PRORP: variants seen among roughly 807,000 people sequenced by gnomAD.
PRORP encodes mitochondrial ribonuclease P catalytic subunit.
PRORP carries 51 observed loss-of-function variants against 59.4 expected under a neutral mutation model. That is an observed-to-expected ratio of 0.86 (90% CI 0.69 to 1.08). The LOEUF is 1.08. Among genes scored for constraint, PRORP ranks in the 50% least tolerant of loss-of-function variants. PRORP has a pLI of 0.00. For synonymous variants in PRORP, 231 were observed against 245.6 expected (o/e 0.94, Z 0.55); for missense variants, 646 against 690.3 (o/e 0.94, Z 0.72).
chr14:35,182,986 A>C (rs552211900), intron 5 of PRORP, among the ~76,000 whole-genome samples: 3 of 152,198 alleles, frequency 2.0e-5, no homozygotes, highest in Non-Finnish European at 4.4e-5. Flanking sequence ...ATCAATCTTA[A>C]GCCCGATACA....
rs1286736401 is a variant in PRORP, at chr14:35,141,900, C to T, written c.1167+14289C>T. ...CCTGGGCAATTTTTTTTTTTTAAGA[C>T]GGAGTGTTGCTGTTGTTGCCCAGGC... On this transcript the variant is annotated intron_variant, in intron 4 of 7. Coordinates refer to ENST00000534898, the MANE Select transcript of PRORP (RefSeq NM_014672.4). 4.2e-5 allele frequency among the ~76,000 whole-genome samples: 6 copies of T among 141,430 alleles called. 1 individual carries two copies. The highest frequency in any genetic ancestry group is 7.8e-5 in the Non-Finnish European group (5 of 63,972). 92.8% of individuals were successfully genotyped at this position (141,430 alleles called of 152,430 possible).
intron 4 of PRORP, among the ~76,000 whole-genome samples, chr14:35,170,266 C>T (rs537170111): frequency 3.2e-4 from 48 of 152,158 alleles, no homozygotes; most frequent in Non-Finnish European, 4.0e-4. Context: ...TATTTGTCTT[C>T]TATTTATCCC....
intron 5 of PRORP, among the ~76,000 whole-genome samples, chr14:35,183,737 A>G (rs1391552244): frequency 2.0e-5 from 3 of 152,120 alleles, no homozygotes; most frequent in African/African-American, 7.2e-5. Context: ...ACATTTCTTT[A>G]AGGTTACTTA....
At position 35,266,732 on chromosome 14, in the gene PRORP, G is replaced by A. The variant is rs2051051783; in HGVS notation, c.1281G>A (p.Leu427=). The change falls in exon 6 of 8, where the codon TTG becomes TTA. Residue 427 remains leucine, a synonymous_variant. Transcript: ENST00000534898. Reference sequence around the variant, plus strand: ...TCTGGCTTTGTGTTTTTTAGCTCTTGAATGTCGTCTCTCAACTAGCCAAAC... The same window carrying A: ...TCTGGCTTTGTGTTTTTTAGCTCTTAAATGTCGTCTCTCAACTAGCCAAAC... The part of the protein sequence containing the change: ...FPKVRESQLL[L]NVVSQLAKRN... 1 of 1,613,438 alleles carries A rather than the reference G, an allele frequency of 6.2e-7. No individual in the cohort carries two copies. The highest frequency in any genetic ancestry group is 8.5e-7 in the Non-Finnish European group (1 of 1,179,820).
chr14:35,221,815 T>A lies in PRORP; in HGVS notation c.1275+41038T>A, dbSNP rs912814833. On this transcript the variant is annotated intron_variant, in intron 5 of 7. Transcript: ENST00000534898. ...TGAAAATCACAGTCATGTTTGTTTA[T>A]CTTCAGACTTCTATTCTTCCCTTTC... is the stretch of plus-strand genomic sequence containing the variant. Among the ~76,000 whole-genome samples the A allele has an allele frequency of 2.6e-5, 4 of 152,220 alleles. No individual in the cohort carries two copies. The East Asian group carries it at 7.7e-4, about 29-fold the overall frequency.
At chr14:35,196,311 C>T (rs2049007958) in intron 5 of PRORP, among the ~76,000 whole-genome samples, 1 of 152,126 alleles carries the variant, frequency 6.6e-6, no homozygotes, top group Admixed American at 6.5e-5. Context: ...CCCCCTGCCC[C>T]CTGCCATGTC....
At chr14:35,263,148 A>G (rs2050947907) in intron 5 of PRORP, 4 of 755,522 alleles carry the variant, frequency 5.3e-6, no homozygotes, top group South Asian at 1.8e-5. Context: ...AAATAAAATA[A>G]AAATACATAG....
At chr14:35,218,113 C>T (rs534524088) in intron 5 of PRORP, among the ~76,000 whole-genome samples, 1 of 152,064 alleles carries the variant, frequency 6.6e-6, no homozygotes, top group African/African-American at 2.4e-5. Context: ...AAATTCATAT[C>T]ATTTCTGTAA....
chr14:35,247,360 A>G (rs1382641151), intron 5 of PRORP, among the ~76,000 whole-genome samples: 1 of 152,076 alleles, frequency 6.6e-6, no homozygotes, highest in Non-Finnish European at 1.5e-5. Context: ...GTCATCCATT[A>G]TAAGGTGTCT....
At chr14:35,255,338 CA>C (rs2050723819) in intron 5 of PRORP, among the ~76,000 whole-genome samples, 1 of 152,056 alleles carries the variant, frequency 6.6e-6, no homozygotes, top group South Asian at 2.1e-4. Context: ...CCATGTTGGT[CA>C]GGCTGGTCTC....
intron 7 of PRORP, among the ~76,000 whole-genome samples, chr14:35,272,050 A>C (rs545433420): frequency 3.4e-4 from 52 of 152,170 alleles, no homozygotes; most frequent in East Asian, 5.8e-4. Context: ...AAAACAACAA[A>C]AAAAAAACGG....
chr14:35,128,319 CTT>C (rs1322978283), intron 4 of PRORP, among the ~76,000 whole-genome samples: 2 of 136,544 alleles, frequency 1.5e-5, no homozygotes, highest in Non-Finnish European at 3.1e-5. Flanking sequence ...TTTGCTGTGT[CTT>C]TGTCTGGTTT....
intron 5 of PRORP, among the ~76,000 whole-genome samples, chr14:35,231,380 TAAA>T (rs2138496230): frequency 6.6e-6 from 1 of 152,348 alleles, no homozygotes; most frequent in South Asian, 2.1e-4. Context: ...TATATCCTGA[TAAA>T]CCTTGAGTGG....
At chr14:35,195,662 A>G (rs893761738) in intron 5 of PRORP, among the ~76,000 whole-genome samples, 6 of 152,132 alleles carry the variant, frequency 3.9e-5, no homozygotes, top group African/African-American at 1.4e-4. Context: ...CTTCTGCAGA[A>G]TATTAATTTT....
At chr14:35,168,941 T>C (rs538915935) in intron 4 of PRORP, among the ~76,000 whole-genome samples, 1 of 101,506 alleles carries the variant, frequency 9.9e-6, no homozygotes, top group South Asian at 3.1e-4. Flanking sequence ...GGTTCATTCA[T>C]TTTTTTTTCA....
At chr14:35,220,203 C>G (rs1472667120) in intron 5 of PRORP, among the ~76,000 whole-genome samples, 1 of 152,230 alleles carries the variant, frequency 6.6e-6, no homozygotes, top group African/African-American at 2.4e-5. Context: ...ATCTCACTTT[C>G]CTTTCTACCA....
intron 4 of PRORP, among the ~76,000 whole-genome samples, chr14:35,175,429 G>A (rs867044129): frequency 4.6e-5 from 7 of 151,984 alleles, no homozygotes; most frequent in South Asian, 2.1e-4. Flanking sequence ...TTTAATGATC[G>A]CCATTCTAAC....
chr14:35,271,761 A>C (rs982240125), intron 7 of PRORP, among the ~76,000 whole-genome samples: 15 of 152,230 alleles, frequency 9.9e-5, no homozygotes, highest in African/African-American at 3.6e-4. Flanking sequence ...GTGATGGCTC[A>C]CACCTGTAAT....
At chr14:35,243,269 C>T (rs925685671) in intron 5 of PRORP, among the ~76,000 whole-genome samples, 9 of 152,106 alleles carry the variant, frequency 5.9e-5, no homozygotes, top group South Asian at 4.1e-4. Flanking sequence ...TGGTGGCTCA[C>T]GCCTGTAATC....
Sources: gnomAD v4.1 joint callset for allele counts (sites outside exome capture counted in the v4.1 genomes callset) on GRCh38, gnomAD v4.1.1 for gene constraint, MANE v1.5 for transcripts, NCBI Gene and HGNC (gene_info 2026-07-23, HGNC 2026-07-21) for gene names.